Variants in LRMDA observed in about 807,000 individuals in gnomAD.
The protein encoded by LRMDA is leucine rich melanocyte differentiation associated, also known as leucine-rich melanocyte differentiation-associated protein.
LRMDA carries 18 observed loss-of-function variants against 29.8 expected under a neutral mutation model. The observed-to-expected ratio is 0.60, with a 90% CI of 0.42 to 0.90. The LOEUF (loss-of-function observed/expected upper bound fraction) is 0.90, where lower values mean the gene tolerates loss of function less well. LRMDA is among the 40% of genes least tolerant of loss of function. The pLI, the probability that LRMDA is intolerant of heterozygous loss-of-function variation, is 0.00. For missense variants in LRMDA, 273 were observed against 273.9 expected (o/e 1.00, Z 0.02); for synonymous variants, 125 against 109.4 (o/e 1.14, Z -0.89).
At chr10:76,366,887 GT>G (rs1449609160) in intron 6 of LRMDA, among the ~76,000 whole-genome samples, 3 of 152,338 alleles carry the variant, frequency 2.0e-5, no homozygotes, top group African/African-American at 7.2e-5. Flanking sequence ...TTGGCTGTCA[GT>G]TTGTCATAGA....
chr10:75,800,222 C>A (rs1318933249), intron 2 of LRMDA, among the ~76,000 whole-genome samples: 2 of 152,110 alleles, frequency 1.3e-5, no homozygotes. Context: ...CATGAAACAC[C>A]ATGTTTAAAC....
At chr10:75,689,358 G>A (rs1186434375) in intron 2 of LRMDA, among the ~76,000 whole-genome samples, 1 of 152,146 alleles carries the variant, frequency 6.6e-6, no homozygotes, top group Admixed American at 6.5e-5. Flanking sequence ...TCATCTTTAG[G>A]TGGATTCTTG....
At chr10:75,540,667 G>T (rs1465481889) in intron 2 of LRMDA, among the ~76,000 whole-genome samples, 2 of 152,142 alleles carry the variant, frequency 1.3e-5, no homozygotes, top group Non-Finnish European at 2.9e-5. Flanking sequence ...TTAGTTAAAT[G>T]TGTTCTCATA....
chr10:76,225,416 CA>C (rs1171468250), intron 5 of LRMDA, among the ~76,000 whole-genome samples: 41 of 139,426 alleles, frequency 2.9e-4, no homozygotes, highest in African/African-American at 3.4e-4. Context: ...GACTCCGTCT[CA>C]AAAAAAAAAA....
chr10:75,825,591 G>A (rs1844234745), intron 2 of LRMDA, among the ~76,000 whole-genome samples: 1 of 152,058 alleles, frequency 6.6e-6, no homozygotes, highest in Non-Finnish European at 1.5e-5. Flanking sequence ...ATGTGGCAAG[G>A]AATAAAAACA....
intron 6 of LRMDA, among the ~76,000 whole-genome samples, chr10:76,326,899 GC>G (rs1036075836): frequency 3.2e-4 from 48 of 152,112 alleles, no homozygotes; most frequent in African/African-American, 1.2e-3. Context: ...GTCGTATTTT[GC>G]TTCCTGCATG....
chr10:76,217,200 A>G lies in LRMDA; in HGVS notation c.517-107201A>G, dbSNP rs11001694. ...TATGTATGTATGTATATGGTATAAT[A>G]ATATTTTTCCATCTTCCTCATTGTT... On this transcript the variant is annotated intron_variant, in intron 5 of 6. Transcript: ENST00000611255. Among the ~76,000 whole-genome samples, 489 of 152,334 alleles carry G rather than the reference A, an allele frequency of 3.2e-3. 7 individuals carry two copies. Among genetic ancestry groups the G allele is most frequent in the African/African-American group, 0.011 (447 of 41,572 alleles).
intron 5 of LRMDA, among the ~76,000 whole-genome samples, chr10:76,152,016 A>G (rs980893738): frequency 6.6e-6 from 1 of 152,246 alleles, no homozygotes; most frequent in Non-Finnish European, 1.5e-5. Context: ...TTAGAACCAC[A>G]TAATAAAATT....
intron 2 of LRMDA, among the ~76,000 whole-genome samples, chr10:75,730,350 A>G (rs568578935): frequency 2.7e-4 from 41 of 152,260 alleles, no homozygotes; most frequent in Non-Finnish European, 5.6e-4. Context: ...CAGATGCACA[A>G]TGGCCACGAC....
At chr10:76,281,893 A>T (rs1840211002) in intron 5 of LRMDA, among the ~76,000 whole-genome samples, 1 of 152,116 alleles carries the variant, frequency 6.6e-6, no homozygotes, top group Non-Finnish European at 1.5e-5. Context: ...TGAACCCATC[A>T]CTAGCACAGG....
rs1459442138 is a variant in LRMDA, at chr10:76,363,176, A to AGAGGGAGGGAG, written c.601+38692_601+38693insAGGGAGGGAGG. On this transcript the variant is annotated intron_variant, in intron 6 of 6. Transcript: ENST00000611255. The stretch of plus-strand genomic sequence containing the variant: ...AAGAAAGAAAGAAAGAAAGAAAGAA[A>AGAGGGAGGGAG]GGAGGGAGGGAGGGAGGGAGGGAGG... 3.4e-3 allele frequency among the ~76,000 whole-genome samples: 75 copies of AGAGGGAGGGAG among 21,796 alleles called. 6 individuals are homozygous for AGAGGGAGGGAG. The highest frequency in any genetic ancestry group is 9.1e-3 in the African/African-American group (63 of 6,900). 14.3% of individuals were successfully genotyped at this position (21,796 alleles called of 152,430 possible).
rs145398165 is a variant in LRMDA at position 75,720,608 on chromosome 10, G to A, written c.131+282114G>A. On this transcript the variant is annotated intron_variant, in intron 2 of 6. Transcript: ENST00000611255. Reference sequence around the variant, plus strand: ...TGTCGACTTCTGAATTCAGAGTTGTGAACATCAGCACTTAGACCACTCTTC... The same window carrying A: ...TGTCGACTTCTGAATTCAGAGTTGTAAACATCAGCACTTAGACCACTCTTC... Among the ~76,000 whole-genome samples the A allele has an allele frequency of 5.3e-3, 805 of 152,306 alleles. 8 individuals are homozygous for A. Among genetic ancestry groups the A allele is most frequent in the African/African-American group, 0.018 (760 of 41,548 alleles).
At chr10:76,321,673 G>A (rs1840772911) in intron 5 of LRMDA, among the ~76,000 whole-genome samples, 1 of 152,134 alleles carries the variant, frequency 6.6e-6, no homozygotes, top group Non-Finnish European at 1.5e-5. Context: ...AGCCAGGCGC[G>A]GTGGCTCATG....
intron 5 of LRMDA, among the ~76,000 whole-genome samples, chr10:76,141,189 T>A (rs567922134): frequency 2.4e-4 from 36 of 152,132 alleles, no homozygotes; most frequent in Non-Finnish European, 4.7e-4. Flanking sequence ...TCTTTGCTCT[T>A]ATATCACACA....
chr10:76,188,649 AC>A (rs11327837), intron 5 of LRMDA, among the ~76,000 whole-genome samples: 152,300 of 152,300 alleles, frequency 1, 76,150 homozygotes, highest in Non-Finnish European at 1. Context: ...TTTAGCACTC[AC>A]GTTCTGGGCC....
chr10:75,513,820 C>T (rs923107944), intron 2 of LRMDA, among the ~76,000 whole-genome samples: 6 of 152,180 alleles, frequency 3.9e-5, no homozygotes, highest in Non-Finnish European at 8.8e-5. Context: ...GACACTCTCC[C>T]TATCTCAAAA....
At chr10:75,706,484 T>C (rs1842370602) in intron 2 of LRMDA, among the ~76,000 whole-genome samples, 1 of 152,230 alleles carries the variant, frequency 6.6e-6, no homozygotes, top group African/African-American at 2.4e-5. Context: ...AAGAAGCTTG[T>C]ATTCCTATAG....
At chr10:76,219,568 A>C (rs566912760) in intron 5 of LRMDA, among the ~76,000 whole-genome samples, 2 of 152,378 alleles carry the variant, frequency 1.3e-5, no homozygotes. Flanking sequence ...AGAGCTAACT[A>C]TCCTAAATAT....
At chr10:75,720,218 T>C (rs1432802566) in intron 2 of LRMDA, among the ~76,000 whole-genome samples, 1 of 152,098 alleles carries the variant, frequency 6.6e-6, no homozygotes, top group Non-Finnish European at 1.5e-5. Context: ...AAGAAAATTA[T>C]ATACATGGGA....
Sources: gnomAD v4.1 joint callset for allele counts (sites outside exome capture counted in the v4.1 genomes callset) on GRCh38, gnomAD v4.1.1 for gene constraint, MANE v1.5 for transcripts, NCBI Gene and HGNC (gene_info 2026-07-23, HGNC 2026-07-21) for gene names.